Variants in ITGA9 observed in about 807,000 individuals in gnomAD.
ITGA9 encodes integrin subunit alpha 9.
In ITGA9, 56 loss-of-function variants were observed where a neutral mutation model predicts 127.8. That is an observed-to-expected ratio of 0.44 (90% CI 0.35 to 0.55). The LOEUF is 0.55. Ranked by LOEUF, ITGA9 falls within the 20% of genes least tolerant of loss-of-function variation. The pLI, the probability that ITGA9 is intolerant of heterozygous loss-of-function variation, is 0.00. For synonymous variants in ITGA9, 508 were observed against 514.5 expected, an observed-to-expected ratio of 0.99 and a Z score of 0.17; for missense variants, 1,196 against 1,347.1, an observed-to-expected ratio of 0.89 and a Z score of 1.76.
chr3:37,649,302 A>C lies in ITGA9; in HGVS notation c.1840-4412A>C, dbSNP rs1405857891. Among the ~76,000 whole-genome samples the C allele has an allele frequency of 3.9e-5, 6 of 152,192 alleles. No homozygotes were observed. In the East Asian group the frequency reaches 1.2e-3, roughly 29 times the overall value. On this transcript the variant is annotated intron_variant, in intron 16 of 27. Transcript: ENST00000264741. The stretch of plus-strand genomic sequence containing the variant: ...GCATGACTGAATAGATTATTAAAAA[A>C]AACAACAACAACCAGGATCAAACTG...
chr3:37,600,477 C>T lies in ITGA9; in HGVS notation c.1690-28710C>T, dbSNP rs551945557. On this transcript the variant is annotated intron_variant, in intron 15 of 27. Coordinates refer to ENST00000264741, the MANE Select transcript of ITGA9 (RefSeq NM_002207.3). ...GCCCCACACATACTCTTTGTTTTTC[C>T]ATTCTTCCAAGCAGGCCCGGAGAAG... Among the ~76,000 whole-genome samples, 676 of 152,266 alleles carry T rather than the reference C, an allele frequency of 4.4e-3. 3 individuals are homozygous for T. The highest frequency in any genetic ancestry group is 6.8e-3 in the Middle Eastern group (2 of 294).
chr3:37,756,854 G>A (rs1357118156), intron 23 of ITGA9, among the ~76,000 whole-genome samples: 1 of 152,086 alleles, frequency 6.6e-6, no homozygotes, highest in African/African-American at 2.4e-5. Flanking sequence ...AAAAACAAAA[G>A]GTTAGGCAAA....
chr3:37,525,248 A>G (rs922634286), intron 12 of ITGA9, among the ~76,000 whole-genome samples: 4 of 152,250 alleles, frequency 2.6e-5, no homozygotes, highest in Non-Finnish European at 5.9e-5. Context: ...GTCTTGGTTT[A>G]TAGCTTACCA....
intron 18 of ITGA9, among the ~76,000 whole-genome samples, chr3:37,714,245 G>C (rs1701109713): frequency 6.6e-6 from 1 of 152,202 alleles, no homozygotes; most frequent in Non-Finnish European, 1.5e-5. Flanking sequence ...AAATAAGACA[G>C]GGCAAAATGA....
intron 18 of ITGA9, among the ~76,000 whole-genome samples, chr3:37,698,048 C>A (rs1315313813): frequency 1.3e-5 from 2 of 152,212 alleles, no homozygotes; most frequent in Non-Finnish European, 2.9e-5. Context: ...GAGATGATAT[C>A]TTATTGTGGT....
chr3:37,648,998 A>G (rs1575179934), intron 16 of ITGA9, among the ~76,000 whole-genome samples: 1 of 152,062 alleles, frequency 6.6e-6, no homozygotes, highest in Non-Finnish European at 1.5e-5. Flanking sequence ...GTAAAGTTAC[A>G]TTGTGAACTT....
chr3:37,786,103 C>T (rs1357210782), intron 26 of ITGA9, among the ~76,000 whole-genome samples: 1 of 152,184 alleles, frequency 6.6e-6, no homozygotes, highest in South Asian at 2.1e-4. Flanking sequence ...GCAGCCGATG[C>T]ACTTCTTTTG....
At chr3:37,596,889 C>T (rs1028579028) in intron 15 of ITGA9, among the ~76,000 whole-genome samples, 5 of 152,150 alleles carry the variant, frequency 3.3e-5, no homozygotes, top group Non-Finnish European at 7.4e-5. Context: ...GTCTCTAGAG[C>T]GACTCAGCTT....
At chr3:37,598,182 G>T (rs529427639) in intron 15 of ITGA9, among the ~76,000 whole-genome samples, 50 of 152,108 alleles carry the variant, frequency 3.3e-4, no homozygotes, top group Non-Finnish European at 4.3e-4. Flanking sequence ...CATCCTGAGA[G>T]GGTAAATAAT....
chr3:37,749,198 T>C (rs1237684746), intron 22 of ITGA9: 1 of 185,576 alleles, frequency 5.4e-6, no homozygotes, highest in East Asian at 1.4e-4. Context: ...GCTGCCTGCA[T>C]TCTTTGGCTC....
intron 18 of ITGA9, among the ~76,000 whole-genome samples, chr3:37,685,631 A>G (rs1282841380): frequency 1.3e-5 from 2 of 152,172 alleles, no homozygotes; most frequent in Non-Finnish European, 2.9e-5. Context: ...GTGGTAACTG[A>G]AAAGATGTAA....
intron 26 of ITGA9, among the ~76,000 whole-genome samples, chr3:37,803,148 C>T (rs1697254088): frequency 6.6e-6 from 1 of 152,172 alleles, no homozygotes; most frequent in Non-Finnish European, 1.5e-5. Context: ...ACATGCAGAG[C>T]ACTCCCGTGT....
intron 24 of ITGA9, among the ~76,000 whole-genome samples, chr3:37,778,240 G>C (rs181830116): frequency 6.6e-6 from 1 of 152,142 alleles, no homozygotes; most frequent in Non-Finnish European, 1.5e-5. Flanking sequence ...GATGGGATGG[G>C]GCATGAGGGA....
intron 13 of ITGA9, among the ~76,000 whole-genome samples, chr3:37,532,992 A>C (rs1368219964): frequency 6.6e-6 from 1 of 152,180 alleles, no homozygotes; most frequent in Non-Finnish European, 1.5e-5. Context: ...ATAAAATGGA[A>C]ATTGGTACTT....
intron 20 of ITGA9, among the ~76,000 whole-genome samples, chr3:37,740,781 C>T (rs1378631140): frequency 6.6e-6 from 1 of 152,188 alleles, no homozygotes; most frequent in Non-Finnish European, 1.5e-5. Flanking sequence ...TTCACCTTTC[C>T]AGAATGATCT....
chr3:37,585,629 A>C, intron 15 of ITGA9: 1 of 516,642 alleles, frequency 1.9e-6, no homozygotes, highest in South Asian at 1.4e-5. Context: ...CATTCCAAGA[A>C]GGGAACATGA....
intron 15 of ITGA9, among the ~76,000 whole-genome samples, chr3:37,574,846 A>G (rs1465539597): frequency 6.6e-6 from 1 of 152,054 alleles, no homozygotes; most frequent in Non-Finnish European, 1.5e-5. Flanking sequence ...GCAGGTCCAT[A>G]TCGGGATTGG....
intron 15 of ITGA9, among the ~76,000 whole-genome samples, chr3:37,619,712 G>T (rs532153980): frequency 3.3e-5 from 5 of 152,216 alleles, no homozygotes; most frequent in African/African-American, 7.2e-5. Context: ...TCACAAGGCC[G>T]TACTCAAGGT....
intron 4 of ITGA9, among the ~76,000 whole-genome samples, chr3:37,493,370 G>A (rs2125564848): frequency 6.6e-6 from 1 of 152,316 alleles, no homozygotes; most frequent in East Asian, 1.9e-4. Context: ...CTTGCCAGGA[G>A]CCCAGGGGGT....
Sources: allele counts gnomAD v4.1 joint callset (sites outside exome capture counted in the v4.1 genomes callset), GRCh38; gene constraint gnomAD v4.1.1; transcripts MANE v1.5; gene names NCBI Gene and HGNC (gene_info 2026-07-23, HGNC 2026-07-21).